The following EVI5 variants were observed in gnomAD, a reference collection of about 807,000 sequenced individuals.
EVI5 encodes the protein ecotropic viral integration site 5.
EVI5 carries 73 observed loss-of-function variants against 112.0 expected under a neutral mutation model. That is an observed-to-expected ratio of 0.65 (90% CI 0.54 to 0.79). The LOEUF is 0.79. Among genes scored for constraint, EVI5 ranks in the 30% least tolerant of loss-of-function variants. The probability of loss-of-function intolerance (pLI) is 0.00; values close to 1 mark genes in which losing one functional copy is unlikely to be tolerated. For synonymous variants in EVI5, 305 were observed against 319.9 expected (o/e 0.95, Z 0.50); for missense variants, 900 against 968.8 (o/e 0.93, Z 0.94).
intron 13 of EVI5, among the ~76,000 whole-genome samples, chr1:92,652,332 C>T (rs1188270378): frequency 3.9e-5 from 6 of 152,000 alleles, no homozygotes; most frequent in Admixed American, 6.6e-5. Context: ...CAGAGGTTAC[C>T]GGAGGCTGGG....
At chr1:92,631,406 A>G (rs1207989378) in intron 14 of EVI5, among the ~76,000 whole-genome samples, 1 of 152,152 alleles carries the variant, frequency 6.6e-6, no homozygotes, top group African/African-American at 2.4e-5. Context: ...ATCCCTTGTA[A>G]GTTGGATTCC....
intron 13 of EVI5, among the ~76,000 whole-genome samples, chr1:92,638,086 C>T (rs535919463): frequency 5.3e-4 from 80 of 152,158 alleles, no homozygotes; most frequent in Non-Finnish European, 8.2e-4. Flanking sequence ...AATTTTTTTG[C>T]CCTCAACTTA....
chr1:92,753,258 G>GGCAGGAGGATCACTTGAGC (rs964060710), intron 1 of EVI5, among the ~76,000 whole-genome samples: 1 of 152,220 alleles, frequency 6.6e-6, no homozygotes, highest in Non-Finnish European at 1.5e-5. Flanking sequence ...GGAAGGCCAA[G>GGCAGGAGGATCACTTGAGC]GCAGGAGGAT....
chr1:92,740,033 C>T (rs1300206860), intron 1 of EVI5, among the ~76,000 whole-genome samples: 1 of 150,832 alleles, frequency 6.6e-6, no homozygotes. Context: ...AGGACTTCAG[C>T]TATATACAGA....
intron 18 of EVI5, chr1:92,580,640 T>TTTTC (rs10664061): frequency 0.91 from 174,852 of 192,256 alleles, 79,654 homozygotes; most frequent in East Asian, 0.97. Context: ...GAATTTTGTG[T>TTTTC]TTTATCTTGC....
At chr1:92,566,292 A>G (rs894999905) in intron 18 of EVI5, among the ~76,000 whole-genome samples, 2 of 152,236 alleles carry the variant, frequency 1.3e-5, no homozygotes, top group Non-Finnish European at 2.9e-5. Flanking sequence ...TTTCTTATGC[A>G]GTCATGTTCC....
intron 1 of EVI5, among the ~76,000 whole-genome samples, chr1:92,766,023 A>T (rs993391608): frequency 1.2e-4 from 18 of 151,256 alleles, no homozygotes; most frequent in African/African-American, 4.4e-4. Context: ...ACTTGAGCCC[A>T]AGAGTTCAAG....
intron 19 of EVI5, among the ~76,000 whole-genome samples, chr1:92,549,014 AC>A (rs1342941617): frequency 2.0e-5 from 3 of 152,188 alleles, no homozygotes; most frequent in African/African-American, 7.2e-5. Flanking sequence ...TTCATATGGA[AC>A]CAAAAAAAGA....
chr1:92,677,269 G>T, intron 9 of EVI5, 51 bp from the exon 10 acceptor site: 1 of 1,018,010 alleles, frequency 9.8e-7, no homozygotes, highest in African/African-American at 1.7e-5. Context: ...TTCAAAAGTA[G>T]TTATTAAATT....
At chr1:92,657,672 AC>A (rs201111737) in intron 13 of EVI5, among the ~76,000 whole-genome samples, 5 of 151,304 alleles carry the variant, frequency 3.3e-5, no homozygotes, top group African/African-American at 1.2e-4. Context: ...AAACAAACAA[AC>A]AAAAAAAAAC....
intron 19 of EVI5, among the ~76,000 whole-genome samples, chr1:92,523,395 T>C (rs1661290428): frequency 6.6e-6 from 1 of 152,084 alleles, no homozygotes; most frequent in Non-Finnish European, 1.5e-5. Context: ...AACCTTGGCC[T>C]GTTGAAATAG....
chr1:92,630,104 T>C (rs1292689794), intron 14 of EVI5, among the ~76,000 whole-genome samples: 2 of 152,202 alleles, frequency 1.3e-5, no homozygotes, highest in Non-Finnish European at 2.9e-5. Flanking sequence ...TCTTTGCTAT[T>C]GTGAATAGTG....
At chr1:92,562,525 G>C (rs185348919) in intron 19 of EVI5, among the ~76,000 whole-genome samples, 24 of 151,654 alleles carry the variant, frequency 1.6e-4, no homozygotes, top group African/African-American at 5.1e-4. Context: ...GCGAGACTCC[G>C]TCTAAAAAAA....
intron 19 of EVI5, among the ~76,000 whole-genome samples, chr1:92,524,551 A>C (rs953370485): frequency 6.6e-6 from 1 of 152,216 alleles, no homozygotes; most frequent in Non-Finnish European, 1.5e-5. Flanking sequence ...TCTAGTTTCA[A>C]GTCTAGGCCC....
At chr1:92,614,840 TTATATATATATATA>T (rs561640520) in intron 16 of EVI5, among the ~76,000 whole-genome samples, 6 of 12,612 alleles carry the variant, frequency 4.8e-4, no homozygotes, top group Non-Finnish European at 7.7e-4. Flanking sequence ...ATGTTATATT[TTATATATATATATA>T]TATATATATA....
chr1:92,571,814 T>C (rs951027620), intron 18 of EVI5, among the ~76,000 whole-genome samples: 1 of 152,182 alleles, frequency 6.6e-6, no homozygotes, highest in Admixed American at 6.5e-5. Context: ...AACCTGCATT[T>C]TCTTGAGGTT....
intron 19 of EVI5, among the ~76,000 whole-genome samples, chr1:92,534,171 C>A (rs959437244): frequency 6.6e-6 from 1 of 152,140 alleles, no homozygotes. Context: ...TGAGTGAACT[C>A]CCATTCATAA....
At chr1:92,585,502 G>A (rs1672639479) in intron 18 of EVI5, among the ~76,000 whole-genome samples, 1 of 151,998 alleles carries the variant, frequency 6.6e-6, no homozygotes, top group Non-Finnish European at 1.5e-5. Context: ...CTTAAAACAA[G>A]TCAGCATTCA....
At position 92,640,332 on chromosome 1, in the gene EVI5, C is replaced by T. The variant is rs553315848; in HGVS notation, c.1393-3996G>A. Among the ~76,000 whole-genome samples the T allele has an allele frequency of 2.6e-5, 4 of 152,178 alleles. No homozygotes were observed. The East Asian group carries it at 7.7e-4, about 29-fold the overall frequency. On this transcript the variant is annotated intron_variant, in intron 13 of 19. Coordinates refer to ENST00000684568, the MANE Select transcript of EVI5 (RefSeq NM_001350197.2). ...CAGAGTGAACAGTCAACCTACAGAA[C>T]AGGAGAAAATTTTTGCAATCTACCC...
Sources: allele counts gnomAD v4.1 joint callset (sites outside exome capture counted in the v4.1 genomes callset), GRCh38; gene constraint gnomAD v4.1.1; transcripts MANE v1.5; gene names NCBI Gene and HGNC (gene_info 2026-07-23, HGNC 2026-07-21).